Variants in TNFSF18 observed in about 807,000 individuals in gnomAD.
TNFSF18 encodes the protein tumor necrosis factor ligand superfamily member 18.
Under a neutral mutation model 9.6 loss-of-function variants are expected in TNFSF18, and 6 were observed. The observed-to-expected ratio is 0.63, with a 90% CI of 0.34 to 1.24. The LOEUF is 1.24. Ranked by LOEUF, TNFSF18 falls within the 50% of genes most tolerant of loss-of-function variation. The pLI is 0.03. For missense variants in TNFSF18, 210 were observed against 201.0 expected (o/e 1.04, Z -0.27); for synonymous variants, 68 against 71.7 (o/e 0.95, Z 0.26).
chr1:173,047,281 C>A (rs1227630420), intron 1 of TNFSF18, among the ~76,000 whole-genome samples: 1 of 152,152 alleles, frequency 6.6e-6, no homozygotes, highest in East Asian at 1.9e-4. Context: ...AGGGACGTGA[C>A]AAAGACTCCC....
intron 1 of TNFSF18, among the ~76,000 whole-genome samples, chr1:173,049,149 G>A (rs1301390770): frequency 6.6e-6 from 1 of 152,168 alleles, no homozygotes; most frequent in East Asian, 1.9e-4. Context: ...TGATTCTGAA[G>A]AGAGGTGTCC....
At chr1:173,042,185 T>C (rs180928757) in intron 2 of TNFSF18, among the ~76,000 whole-genome samples, 4 of 152,316 alleles carry the variant, frequency 2.6e-5, no homozygotes, top group Admixed American at 2.6e-4. Flanking sequence ...TCTCCTATCA[T>C]TCCCTCATTT....
chr1:173,047,004 C>T (rs1665095371), intron 1 of TNFSF18, among the ~76,000 whole-genome samples: 1 of 151,878 alleles, frequency 6.6e-6, no homozygotes, highest in African/African-American at 2.4e-5. Flanking sequence ...CCAATTCTCC[C>T]ACGTCAGCCC....
In TNFSF18 at chr1:173,043,924, A is replaced by G; in HGVS notation, c.187+15T>C. 1 of 1,610,438 alleles carries G rather than the reference A, an allele frequency of 6.2e-7. No homozygotes were observed. The highest frequency in any genetic ancestry group is 8.5e-7 in the Non-Finnish European group (1 of 1,176,780). ...AACTAAGAAAAGTAAAAGACATGCA[A>G]GATAGGTTACTCACCAAACTTAGCC... On this transcript the variant is annotated intron_variant, in intron 2 of 2. Transcript: ENST00000404377.
chr1:173,043,189 G>A (rs1237725556), intron 2 of TNFSF18, among the ~76,000 whole-genome samples: 4 of 152,068 alleles, frequency 2.6e-5, no homozygotes, highest in African/African-American at 4.8e-5. Context: ...GAAAGAGACA[G>A]GCAAAAGGAC....
At position 173,041,669 on chromosome 1, in the gene TNFSF18, A is replaced by T. The variant is rs1349830733; in HGVS notation, c.232T>A (p.Cys78Ser). 5 of 1,612,788 alleles carry T rather than the reference A, an allele frequency of 3.1e-6. No homozygotes were observed. The highest frequency in any genetic ancestry group is 3.3e-5 in the Admixed American group (2 of 59,900). ...TTCCAGTCAGACACCTTATTCACGC[A>T]AGGAGGTTCAGAAGATGCCATTTGC... ...KWQMASSEPP[C>S]VNKVSDWKLE... The change falls in exon 3 of 3, where the codon TGC becomes AGC. Residue 78 changes from cysteine (C) to serine (S), a missense_variant. Physicochemically the swap from Cys to Ser is moderately radical, Grantham distance 112 (BLOSUM62 -1). Coordinates refer to ENST00000404377, the MANE Select transcript of TNFSF18 (RefSeq NM_005092.4).
Position 173,050,843 on chromosome 1 carries a change from T to A in TNFSF18, c.54A>T (p.Gly18=). 6.2e-7 allele frequency: 1 copy of A among 1,613,806 alleles called. No homozygotes were observed. The highest frequency in any genetic ancestry group is 8.5e-7 in the Non-Finnish European group (1 of 1,179,772). The change falls in exon 1 of 3, where the codon GGA becomes GGT. Residue 18 remains glycine, a synonymous_variant. Transcript: ENST00000404377. ...NMPLSHSRTQ[G]AQRSSWKLWL... is the part of the protein sequence containing the mutation. ...ACAGCTTCCAGGATGATCTCTGAGC[T>A]CCTTGAGTTCTTGAATGGCTTAAAG...
chr1:173,046,932 G>T (rs1433630595), intron 1 of TNFSF18, among the ~76,000 whole-genome samples: 1 of 151,204 alleles, frequency 6.6e-6, no homozygotes, highest in Non-Finnish European at 1.5e-5. Context: ...TCATTCCGTT[G>T]CCCAGGCTGG....
At chr1:173,046,904 G>T (rs12080126) in intron 1 of TNFSF18, among the ~76,000 whole-genome samples, 42,182 of 101,536 alleles carry the variant, frequency 0.42, 6,069 homozygotes, top group East Asian at 0.5. Flanking sequence ...TGTTGTTGTT[G>T]TTTTTTGAGA....
In TNFSF18 at chr1:173,040,302, G is replaced by C. The variant is rs1245773559; in HGVS notation, c.*1065C>G. ...CTCACCTTGGGCTAAAGGGGAATAT[G>C]CTTCCTGAAAAGTGAATTCGCTAAG... On this transcript the variant is annotated 3_prime_UTR_variant, in exon 3 of 3. Transcript: ENST00000404377. The C allele has an allele frequency of 6.6e-6, 1 of 151,998 alleles. No individual in the cohort carries two copies. Among genetic ancestry groups the C allele is most frequent in the Non-Finnish European group, 1.5e-5 (1 of 67,994 alleles). The allele number at this position is 151,998 out of a possible 1,614,324, so 9.4% of individuals were successfully genotyped here.
chr1:173,049,028 A>G (rs747129740), intron 1 of TNFSF18, among the ~76,000 whole-genome samples: 1 of 152,190 alleles, frequency 6.6e-6, no homozygotes, highest in African/African-American at 2.4e-5. Context: ...TACTTCCCCA[A>G]ATTTGAAACA....
rs1429370790 is a variant in TNFSF18 at position 173,041,357 on chromosome 1, A to C, written c.*10T>G. ...TGTGCTGAAGGGAATGAGGAGATCA[A>C]ATCAAGTCTCTAGGAGATGAATTGG... is the stretch of plus-strand genomic sequence containing the variant. On this transcript the variant is annotated 3_prime_UTR_variant, in exon 3 of 3. Transcript: ENST00000404377. 1.9e-6 allele frequency: 3 copies of C among 1,587,466 alleles called. No homozygotes were observed. The highest frequency in any genetic ancestry group is 2.6e-6 in the Non-Finnish European group (3 of 1,165,282).
intron 1 of TNFSF18, 92 bp from the exon 2 acceptor site, chr1:173,044,061 C>A: frequency 8.6e-7 from 1 of 1,163,138 alleles, no homozygotes; most frequent in Non-Finnish European, 1.3e-6. Flanking sequence ...ATTCCTGAAG[C>A]AAACTAGTGT....
intron 1 of TNFSF18, among the ~76,000 whole-genome samples, chr1:173,047,813 T>C (rs1235389884): frequency 6.6e-6 from 1 of 152,164 alleles, no homozygotes; most frequent in Non-Finnish European, 1.5e-5. Context: ...TGATACTCTC[T>C]AATTATTGCC....
rs1664986956 is a variant in TNFSF18, at chr1:173,041,369, A to G, written c.532T>C (p.Ter178GlnextTer45). ...AATGAGGAGATCAAATCAAGTCTCT[A>G]GGAGATGAATTGGGGATTTGCTAGT... ...ILLANPQFIS[*>Q] Residue 178 changes from the stop codon to glutamine, a stop_lost, in exon 3 of 3, where the codon TAG becomes CAG. Coordinates refer to ENST00000404377, the MANE Select transcript of TNFSF18 (RefSeq NM_005092.4). 2.5e-6 allele frequency: 4 copies of G among 1,599,854 alleles called. No homozygotes were observed. The highest frequency in any genetic ancestry group is 3.4e-6 in the Non-Finnish European group (4 of 1,171,920).
At chr1:173,048,078 T>C (rs1272868970) in intron 1 of TNFSF18, among the ~76,000 whole-genome samples, 1 of 151,954 alleles carries the variant, frequency 6.6e-6, no homozygotes, top group East Asian at 1.9e-4. Flanking sequence ...GGTTGCTCAT[T>C]TTGCAGATGA....
chr1:173,050,722 G>C lies in TNFSF18; in HGVS notation c.156+19C>G, dbSNP rs750309462. The stretch of plus-strand genomic sequence containing the variant: ...AGGATTATAGCAAATAGTAACCTTA[G>C]GTACAATTGCCTCCTTACCTCTAAT... On this transcript the variant is annotated intron_variant, in intron 1 of 2. Transcript: ENST00000404377. 1 of 1,511,722 alleles carries C rather than the reference G, an allele frequency of 6.6e-7. No homozygotes were observed. The highest frequency in any genetic ancestry group is 9.1e-7 in the Non-Finnish European group (1 of 1,104,732). 93.6% of individuals were successfully genotyped at this position (1,511,722 alleles called of 1,614,324 possible).
intron 1 of TNFSF18, among the ~76,000 whole-genome samples, chr1:173,045,752 G>A (rs540324217): frequency 6.6e-6 from 1 of 152,216 alleles, no homozygotes; most frequent in Admixed American, 6.5e-5. Flanking sequence ...TAATATGTAA[G>A]AGCGAGGAGA....
chr1:173,046,884 TTG>T (rs1467773496), intron 1 of TNFSF18, among the ~76,000 whole-genome samples: 1 of 97,252 alleles, frequency 1.0e-5, no homozygotes, highest in African/African-American at 2.8e-5. Flanking sequence ...TTTTTTTTTG[TTG>T]TTGTTGTTGT....
Sources: allele counts gnomAD v4.1 joint callset (sites outside exome capture counted in the v4.1 genomes callset), GRCh38; gene constraint gnomAD v4.1.1; transcripts MANE v1.5; gene names NCBI Gene and HGNC (gene_info 2026-07-23, HGNC 2026-07-21).